Variants in SYT14 observed in about 807,000 individuals in gnomAD.
SYT14 encodes the protein synaptotagmin 14.
In SYT14, 32 loss-of-function variants were observed where a neutral mutation model predicts 74.2. That is an observed-to-expected ratio of 0.43 (90% CI 0.33 to 0.58). SYT14 has a LOEUF of 0.58. Ranked by LOEUF, SYT14 falls within the 20% of genes least tolerant of loss-of-function variation. The pLI is 0.05. For missense variants in SYT14, 791 were observed against 981.8 expected, an observed-to-expected ratio of 0.81 and a Z score of 2.60; for synonymous variants, 298 against 337.7, an observed-to-expected ratio of 0.88 and a Z score of 1.29.
At chr1:210,167,095 T>G (rs2083464430) in exon 10 of SYT14, 2 of 152,228 alleles carry the variant, frequency 1.3e-5, no homozygotes, top group Non-Finnish European at 2.9e-5. Flanking sequence ...AAGTTATCTT[T>G]ACAATGATGG....
rs374930967 is a variant in SYT14 at position 209,952,477 on chromosome 1, A to G, written c.-533-232A>G. Among the ~76,000 whole-genome samples the G allele has an allele frequency of 2.1e-4, 32 of 152,308 alleles. No homozygotes were observed. In the South Asian group the frequency reaches 6.4e-3, roughly 31 times the overall value. On this transcript the variant is annotated intron_variant, in intron 1 of 9. Coordinates refer to ENST00000637265, the Ensembl canonical transcript of SYT14. ...GTTGAGAAGCTTGCCATTCAAAATC[A>G]CATACTTGAATGAAGTGTCTTCATT... is the stretch of plus-strand genomic sequence containing the variant.
intron 5 of SYT14, among the ~76,000 whole-genome samples, chr1:210,070,658 C>A (rs544600291): frequency 1.6e-4 from 24 of 152,146 alleles, no homozygotes; most frequent in African/African-American, 5.5e-4. Context: ...AACAAATGCC[C>A]GTTGTTTACC....
rs556448906 is a variant in SYT14 at position 210,094,608 on chromosome 1, A to T, written c.1584+15A>T. 1 of 1,613,640 alleles carries T rather than the reference A, an allele frequency of 6.2e-7. No homozygotes were observed. The highest frequency in any genetic ancestry group is 8.5e-7 in the Non-Finnish European group (1 of 1,179,728). ...TGAGCCCTGAAGTAAGTAAAAGCAC[A>T]TAGAAGTTTGAAAATGAATGTTATT... is the stretch of plus-strand genomic sequence containing the variant. On this transcript the variant is annotated intron_variant, in intron 6 of 9. Transcript: ENST00000637265.
At chr1:210,114,354 A>C (rs1031767027) in intron 7 of SYT14, among the ~76,000 whole-genome samples, 7 of 151,308 alleles carry the variant, frequency 4.6e-5, no homozygotes, top group South Asian at 4.1e-4. Context: ...TGTGCTGGAG[A>C]TGTGGCTGGG....
At chr1:209,992,429 A>T (rs2079707546) in intron 2 of SYT14, among the ~76,000 whole-genome samples, 1 of 152,212 alleles carries the variant, frequency 6.6e-6, no homozygotes, top group South Asian at 2.1e-4. Context: ...ATAACTAAAA[A>T]ACAGAAAGTC....
At chr1:210,058,949 CA>C (rs1373076310) in intron 5 of SYT14, among the ~76,000 whole-genome samples, 5 of 152,132 alleles carry the variant, frequency 3.3e-5, no homozygotes, top group African/African-American at 1.2e-4. Context: ...GAGGGAGTAA[CA>C]AAAGCAAATA....
intron 1 of SYT14, among the ~76,000 whole-genome samples, chr1:209,947,512 T>A (rs947274793): frequency 6.6e-6 from 1 of 152,142 alleles, no homozygotes; most frequent in African/African-American, 2.4e-5. Flanking sequence ...GAACTAGAAT[T>A]AGAAGTGGAG....
At chr1:210,150,874 A>G (rs1193883898) in intron 7 of SYT14, among the ~76,000 whole-genome samples, 1 of 152,164 alleles carries the variant, frequency 6.6e-6, no homozygotes, top group Non-Finnish European at 1.5e-5. Flanking sequence ...TAGGAATTAT[A>G]TTGTATTTTT....
exon 10 of SYT14, chr1:210,161,304 A>G (rs1456207844): frequency 1.7e-6 from 1 of 579,856 alleles, no homozygotes; most frequent in African/African-American, 1.8e-5. Context: ...ATTTAATAAG[A>G]TGTTTTTGAT....
intron 7 of SYT14, among the ~76,000 whole-genome samples, chr1:210,151,122 T>C (rs868857277): frequency 6.6e-6 from 1 of 152,156 alleles, no homozygotes; most frequent in Non-Finnish European, 1.5e-5. Flanking sequence ...AGAAGTAAAA[T>C]ATTATGCAAG....
Position 210,077,695 on chromosome 1 carries a change from G to A in SYT14, c.1313-16627G>A, listed in dbSNP as rs181116682. Among the ~76,000 whole-genome samples the A allele has an allele frequency of 7.9e-5, 12 of 152,110 alleles. No homozygotes were observed. In the South Asian group the frequency reaches 8.3e-4, roughly 11 times the overall value. ...TTTTGAAATGATTGTACCATTGTAC[G>A]TTTCTATCTGCAATTTATGAAAATT... On this transcript the variant is annotated intron_variant, in intron 5 of 9. Coordinates refer to ENST00000637265, the Ensembl canonical transcript of SYT14.
intron 2 of SYT14, among the ~76,000 whole-genome samples, chr1:210,007,625 A>G (rs2080013069): frequency 6.6e-6 from 1 of 151,534 alleles, no homozygotes; most frequent in African/African-American, 2.4e-5. Context: ...AACATATATA[A>G]GAGCTATAAA....
chr1:210,063,308 T>C (rs1296434363), intron 5 of SYT14, among the ~76,000 whole-genome samples: 1 of 151,800 alleles, frequency 6.6e-6, no homozygotes, highest in Admixed American at 6.6e-5. Context: ...CACTATGTTA[T>C]TGCTGGAAAA....
intron 2 of SYT14, among the ~76,000 whole-genome samples, chr1:210,004,657 TA>T (rs1373294836): frequency 6.6e-6 from 1 of 151,994 alleles, no homozygotes; most frequent in Non-Finnish European, 1.5e-5. Flanking sequence ...TTTAATTATT[TA>T]AAATTTGTAT....
In SYT14 at chr1:210,151,513, C is replaced by CCCT. The variant is rs397863025; in HGVS notation, c.2035-4208_2035-4207insCCT. ...GAAATTATAGGCGAATGCCCCCCCC[C>CCCT]TTTTTTTTTTTTTTAACTACAGTGG... On this transcript the variant is annotated intron_variant, in intron 7 of 9. Coordinates refer to ENST00000637265, the Ensembl canonical transcript of SYT14. Among the ~76,000 whole-genome samples, 708 of 131,320 alleles carry CCCT rather than the reference C, an allele frequency of 5.4e-3. 13 individuals carry two copies. The highest frequency in any genetic ancestry group is 0.016 in the African/African-American group (596 of 36,352). 86.2% of individuals were successfully genotyped at this position (131,320 alleles called of 152,430 possible). A position where few individuals can be genotyped will look rare whatever the true frequency, so the allele number is the denominator to read the frequency against.
intron 2 of SYT14, among the ~76,000 whole-genome samples, chr1:209,999,231 A>G (rs974013268): frequency 1.3e-5 from 2 of 152,174 alleles, no homozygotes; most frequent in Admixed American, 6.5e-5. Flanking sequence ...TAAAATGGCT[A>G]TTATCAAAAA....
chr1:210,004,751 C>G (rs148630307), intron 2 of SYT14, among the ~76,000 whole-genome samples: 1 of 152,128 alleles, frequency 6.6e-6, no homozygotes, highest in East Asian at 1.9e-4. Context: ...GGTTACTCAG[C>G]AAATCTATCA....
At chr1:210,147,635 TATAA>T (rs1163591496) in intron 7 of SYT14, among the ~76,000 whole-genome samples, 1 of 152,162 alleles carries the variant, frequency 6.6e-6, no homozygotes, top group East Asian at 1.9e-4. Flanking sequence ...GAAAAACAGA[TATAA>T]ATTTTGGCTT....
chr1:210,089,107 C>T (rs1270128901), intron 5 of SYT14, among the ~76,000 whole-genome samples: 1 of 152,110 alleles, frequency 6.6e-6, no homozygotes, highest in East Asian at 1.9e-4. Flanking sequence ...TCAATTCCCA[C>T]TTATGAGTGA....
Sources: allele counts gnomAD v4.1 joint callset (sites outside exome capture counted in the v4.1 genomes callset), GRCh38; gene constraint gnomAD v4.1.1; transcripts MANE v1.5; gene names NCBI Gene and HGNC (gene_info 2026-07-23, HGNC 2026-07-21).